IL31RA: variants seen among roughly 807,000 people sequenced by gnomAD.
The protein encoded by IL31RA is interleukin 31 receptor A.
Under a neutral mutation model 83.7 loss-of-function variants are expected in IL31RA, and 66 were observed. That is an observed-to-expected ratio of 0.79 (90% CI 0.65 to 0.97). IL31RA has a LOEUF of 0.97. Ranked by LOEUF, IL31RA falls within the 50% of genes least tolerant of loss-of-function variation. The pLI, the probability that IL31RA is intolerant of heterozygous loss-of-function variation, is 0.00. For missense variants in IL31RA, 798 were observed against 919.4 expected (o/e 0.87, Z 1.71); for synonymous variants, 325 against 329.0 (o/e 0.99, Z 0.13).
chr5:55,896,221 C>A lies in IL31RA; in HGVS notation c.773-129C>A. On this transcript the variant is annotated intron_variant, in intron 6 of 14. Transcript: ENST00000652347. ...CTTTGGTCATTGCAAAGCTGCCATCCCTCCACTCCTCACCTTATTCCCAAT... is the reference window on the plus strand; with the variant it reads ...CTTTGGTCATTGCAAAGCTGCCATCACTCCACTCCTCACCTTATTCCCAAT... 3 of 731,042 alleles carry A rather than the reference C, an allele frequency of 4.1e-6. No individual in the cohort carries two copies. The South Asian group carries it at 4.3e-5, about 11-fold the overall frequency. The allele number at this position is 731,042 out of a possible 1,614,324, so 45.3% of individuals were successfully genotyped here. A position where few individuals can be genotyped will look rare whatever the true frequency, so the allele number is the denominator to read the frequency against.
chr5:55,856,187 A>G (rs956734671), intron 1 of IL31RA, among the ~76,000 whole-genome samples: 3 of 152,174 alleles, frequency 2.0e-5, no homozygotes. Flanking sequence ...ATGAGCCACC[A>G]CGCCTGGCCA....
At chr5:55,862,114 G>C (rs1415290985) in intron 2 of IL31RA, among the ~76,000 whole-genome samples, 2 of 152,134 alleles carry the variant, frequency 1.3e-5, no homozygotes, top group Non-Finnish European at 2.9e-5. Context: ...TTCGTATTTT[G>C]AGGGAATAGG....
chr5:55,853,438 C>A, intron 1 of IL31RA: 1 of 1,532,138 alleles, frequency 6.5e-7, no homozygotes, highest in South Asian at 1.3e-5. Flanking sequence ...ACTCCCACAT[C>A]TTAGTGTGGA....
intron 1 of IL31RA, among the ~76,000 whole-genome samples, chr5:55,854,510 C>T (rs777041001): frequency 6.6e-6 from 1 of 151,938 alleles, no homozygotes; most frequent in Non-Finnish European, 1.5e-5. Context: ...TTTGGGAGGT[C>T]GAGGCAGGTG....
chr5:55,853,858 G>A (rs954364981), intron 1 of IL31RA, among the ~76,000 whole-genome samples: 1 of 152,310 alleles, frequency 6.6e-6, no homozygotes, highest in African/African-American at 2.4e-5. Context: ...AGACCTAGAG[G>A]ATTCAGAGGA....
intron 2 of IL31RA, among the ~76,000 whole-genome samples, chr5:55,867,324 T>C (rs930145808): frequency 4.6e-5 from 7 of 151,554 alleles, no homozygotes; most frequent in South Asian, 2.1e-4. Context: ...TGTGCGTGTG[T>C]GTGTGTGTGT....
At chr5:55,859,485 A>T in intron 1 of IL31RA, 24 bp from the exon 2 acceptor site, 1 of 1,571,556 alleles carries the variant, frequency 6.4e-7, no homozygotes, top group Non-Finnish European at 8.8e-7. Flanking sequence ...AAGCAAACCA[A>T]CTCTTGACTG....
At chr5:55,873,016 C>A (rs959271896) in intron 4 of IL31RA, among the ~76,000 whole-genome samples, 3 of 152,094 alleles carry the variant, frequency 2.0e-5, no homozygotes, top group Admixed American at 6.6e-5. Flanking sequence ...AATTTCAGAA[C>A]ATTTTTATTG....
At chr5:55,880,070 A>G (rs1747106283) in intron 4 of IL31RA, among the ~76,000 whole-genome samples, 1 of 152,176 alleles carries the variant, frequency 6.6e-6, no homozygotes, top group Non-Finnish European at 1.5e-5. Context: ...TCTTCTGTAG[A>G]ATGGATATAA....
At chr5:55,863,454 A>T (rs146883438) in intron 2 of IL31RA, among the ~76,000 whole-genome samples, 1 of 152,242 alleles carries the variant, frequency 6.6e-6, no homozygotes, top group South Asian at 2.1e-4. Flanking sequence ...CACACACACC[A>T]TGTCAGCATC....
chr5:55,916,705 C>T lies in IL31RA; in HGVS notation c.1880C>T (p.Pro627Leu). The change falls in exon 15 of 15, where the codon CCA (proline) becomes CTA (leucine). Residue 627 changes from proline (P) to leucine (L), a missense_variant. Pro to Leu is a moderately conservative substitution (Grantham distance 98). Transcript: ENST00000652347. Reference sequence around the variant, plus strand: ...AACACAGAAGACAGGATCTTAAAACCATGTTCCACCCCCAGTGACAAGTTG... The same window carrying T: ...AACACAGAAGACAGGATCTTAAAACTATGTTCCACCCCCAGTGACAAGTTG... Reference protein sequence around the residue: ...SVNTEDRILKPCSTPSDKLVI... With the variant: ...SVNTEDRILKLCSTPSDKLVI... 2 of 1,614,200 alleles carry T rather than the reference C, an allele frequency of 1.2e-6. No homozygotes were observed. Among genetic ancestry groups the T allele is most frequent in the Non-Finnish European group, 1.7e-6 (2 of 1,180,018 alleles).
Position 55,853,569 on chromosome 5 carries a change from T to C in IL31RA, c.63+1936T>C, listed in dbSNP as rs888741543. 48 of 1,550,850 alleles carry C rather than the reference T, an allele frequency of 3.1e-5. No individual in the cohort carries two copies. The Admixed American group carries it at 9.0e-4, about 29-fold the overall frequency. On this transcript the variant is annotated intron_variant, in intron 1 of 14. Transcript: ENST00000652347. ...TGGAACATCCCCTGATACATGAAGG[T>C]GAGTGCTAATTCATTTAGAAGAGTG...
intron 1 of IL31RA, chr5:55,853,515 G>A (rs1214326153): frequency 1.9e-6 from 3 of 1,550,862 alleles, no homozygotes. Context: ...TGCCTTTGAT[G>A]CAAATCCTTT....
At chr5:55,870,992 A>G (rs966449171) in intron 3 of IL31RA, among the ~76,000 whole-genome samples, 1 of 152,368 alleles carries the variant, frequency 6.6e-6, no homozygotes. Context: ...CTACAATTAT[A>G]GTAATAACAG....
Position 55,913,582 on chromosome 5 carries a change from G to A in IL31RA, c.1736+12G>A, listed in dbSNP as rs757700679. On this transcript the variant is annotated intron_variant, in intron 13 of 14. Coordinates refer to ENST00000652347, the MANE Select transcript of IL31RA (RefSeq NM_139017.7). Reference sequence around the variant, plus strand: ...CTCAAAAAACCCAAGTGAGTCTGCAGACAACAGTGGGTGCCTTAAAAATCA... The same window carrying A: ...CTCAAAAAACCCAAGTGAGTCTGCAAACAACAGTGGGTGCCTTAAAAATCA... The A allele has an allele frequency of 2.6e-6, 4 of 1,556,660 alleles. No homozygotes were observed. The highest frequency in any genetic ancestry group is 3.3e-5 in the Admixed American group (2 of 59,946).
chr5:55,864,583 C>T (rs1356181418), intron 2 of IL31RA, among the ~76,000 whole-genome samples: 3 of 150,778 alleles, frequency 2.0e-5, no homozygotes, highest in African/African-American at 4.9e-5. Context: ...ACCACACAAA[C>T]ACATCACACA....
At chr5:55,869,154 T>A (rs147061356) in intron 3 of IL31RA, among the ~76,000 whole-genome samples, 46 of 152,278 alleles carry the variant, frequency 3.0e-4, no homozygotes, top group Admixed American at 1.2e-3. Context: ...ATAAGCACAG[T>A]GGAAAAATCT....
At position 55,908,384 on chromosome 5, in the gene IL31RA, T is replaced by C. The variant is rs909899314; in HGVS notation, c.1474T>C (p.Tyr492His). 3.6e-5 allele frequency: 58 copies of C among 1,614,030 alleles called. No homozygotes were observed. The highest frequency in any genetic ancestry group is 4.6e-5 in the Non-Finnish European group (54 of 1,180,040). ...TATCATCTGCAACTACACCATCTTT[T>C]ACCAAGCTGAAGGTGGAAAAGGATT... ...KGIICNYTIFYQAEGGKGFSK... is the reference protein window; with the variant it reads ...KGIICNYTIFHQAEGGKGFSK... Residue 492 changes from tyrosine to histidine, a missense_variant, in exon 11 of 15, where the codon TAC (tyrosine) becomes CAC (histidine). By Grantham distance (83) the Tyr-to-His change is moderately conservative (BLOSUM62 2). Transcript: ENST00000652347.
chr5:55,897,015 A>ATATATATATATTTTTTTTTTTTTTTT (rs1413221761), intron 7 of IL31RA, among the ~76,000 whole-genome samples: 1 of 842 alleles, frequency 1.2e-3, no homozygotes, highest in Non-Finnish European at 2.1e-3. Context: ...ATATATATAT[A>ATATATATATATTTTTTTTTTTTTTTT]TTTTTTTTTT....
Sources: allele counts gnomAD v4.1 joint callset (sites outside exome capture counted in the v4.1 genomes callset), GRCh38; gene constraint gnomAD v4.1.1; transcripts MANE v1.5; gene names NCBI Gene and HGNC (gene_info 2026-07-23, HGNC 2026-07-21).